Variants in DCHS2 observed in about 807,000 individuals in gnomAD.
The protein encoded by DCHS2 is dachsous cadherin-related 2.
In DCHS2, 142 loss-of-function variants were observed where a neutral mutation model predicts 182.4. The ratio of observed to expected loss-of-function variants is 0.78; its 90% confidence interval spans 0.68 to 0.89. The LOEUF is 0.89. Among genes scored for constraint, DCHS2 ranks in the 40% least tolerant of loss-of-function variants. The probability of loss-of-function intolerance (pLI) is 0.00; values close to 1 mark genes in which losing one functional copy is unlikely to be tolerated. For missense variants in DCHS2, 4,319 were observed against 4,198.6 expected, an observed-to-expected ratio of 1.03 and a Z score of -0.79; for synonymous variants, 1,740 against 1,663.3, an observed-to-expected ratio of 1.05 and a Z score of -1.12.
chr4:154,384,900 T>TA (rs995229852), intron 1 of DCHS2, among the ~76,000 whole-genome samples: 2 of 151,978 alleles, frequency 1.3e-5, no homozygotes, highest in South Asian at 2.1e-4. Flanking sequence ...CTGTTTTTTT[T>TA]AATATGGAAA....
At chr4:154,341,755 C>T (rs1448817488) in intron 3 of DCHS2, among the ~76,000 whole-genome samples, 1 of 152,154 alleles carries the variant, frequency 6.6e-6, no homozygotes, top group Admixed American at 6.5e-5. Context: ...ACATCAGAAG[C>T]TCCACTGTTT....
At position 154,247,635 on chromosome 4, in the gene DCHS2, C is replaced by CAAAAAAAAAA. The variant is rs67157369; in HGVS notation, c.6942-4873_6942-4864dup. ...CTGGGTGAAGAGCAAGACTCCGTCT[C>CAAAAAAAAAA]AAAAAAAAAAAAAAAAAAAAAAAAA... On this transcript the variant is annotated intron_variant, in intron 16 of 19. Transcript: ENST00000357232. 7.4e-4 allele frequency among the ~76,000 whole-genome samples: 74 copies of CAAAAAAAAAA among 100,110 alleles called. 2 individuals are homozygous for CAAAAAAAAAA. Among genetic ancestry groups the CAAAAAAAAAA allele is most frequent in the African/African-American group, 2.5e-3 (62 of 24,716 alleles). The allele number at this position is 100,110 out of a possible 152,430, so 65.7% of individuals were successfully genotyped here.
In DCHS2 at chr4:154,331,644, T is replaced by A. The variant is rs537100945; in HGVS notation, c.3730+834A>T. ...AGGCTTGAAGTTCATCAGAACTGAA[T>A]GCAAAGTCTGTCCCACTAAAGGCAG... On this transcript the variant is annotated intron_variant, in intron 5 of 19. Coordinates refer to ENST00000357232, the MANE Select transcript of DCHS2 (RefSeq NM_001358235.2). 3 of 1,613,994 alleles carry A rather than the reference T, an allele frequency of 1.9e-6. No homozygotes were observed. In the African/African-American group the frequency reaches 4.0e-5, roughly 22 times the overall value.
At chr4:154,475,932 T>C (rs1735663044) in intron 1 of DCHS2, among the ~76,000 whole-genome samples, 1 of 152,218 alleles carries the variant, frequency 6.6e-6, no homozygotes, top group Admixed American at 6.5e-5. Flanking sequence ...GCCTATCTGT[T>C]CTTTCCTCTT....
At chr4:154,381,835 A>G (rs954579013) in intron 1 of DCHS2, among the ~76,000 whole-genome samples, 5 of 152,182 alleles carry the variant, frequency 3.3e-5, no homozygotes, top group African/African-American at 9.6e-5. Flanking sequence ...AGAAGAATCA[A>G]TATTGTTAAA....
At chr4:154,369,857 G>T (rs568391821) in intron 2 of DCHS2, among the ~76,000 whole-genome samples, 39 of 152,300 alleles carry the variant, frequency 2.6e-4, no homozygotes, top group Non-Finnish European at 4.9e-4. Context: ...GTTTGGGAAA[G>T]CTCCAAGCTT....
intron 1 of DCHS2, among the ~76,000 whole-genome samples, chr4:154,480,875 A>G (rs1195556282): frequency 2.0e-5 from 3 of 151,834 alleles, no homozygotes; most frequent in African/African-American, 7.3e-5. Flanking sequence ...GCACTCACCA[A>G]CAGAGGCCTC....
At position 154,489,880 on chromosome 4, in the gene DCHS2, G is replaced by C; in HGVS notation, c.1476C>G (p.Cys492Trp). 1 of 1,542,076 alleles carries C rather than the reference G, an allele frequency of 6.5e-7. No individual in the cohort carries two copies. The highest frequency in any genetic ancestry group is 8.8e-7 in the Non-Finnish European group (1 of 1,141,096). The change falls in exon 1 of 20, where the codon TGC (cysteine) becomes TGG (tryptophan). Residue 492 changes from cysteine (C) to tryptophan (W), a missense_variant. Transcript: ENST00000357232. Reference protein sequence around the residue: ...PGGPPGVFFLCVEGPLDRESR... With the variant: ...PGGPPGVFFLWVEGPLDRESR... Reference sequence around the variant, plus strand: ...TCTCTCTGTCCAGGGGCCCCTCCACGCAAAGGAAAAATACCCCTGGGGGGC... The same window carrying C: ...TCTCTCTGTCCAGGGGCCCCTCCACCCAAAGGAAAAATACCCCTGGGGGGC...
At chr4:154,328,841 A>G (rs1736397181) in intron 6 of DCHS2, among the ~76,000 whole-genome samples, 2 of 152,184 alleles carry the variant, frequency 1.3e-5, no homozygotes, top group Admixed American at 6.5e-5. Context: ...GAGTTGTTCA[A>G]TATGTATATT....
At chr4:154,241,018 T>C (rs914710054) in intron 17 of DCHS2, among the ~76,000 whole-genome samples, 195 bp from the exon 18 acceptor site, 2 of 152,156 alleles carry the variant, frequency 1.3e-5, no homozygotes. Flanking sequence ...AAAGTGAAAA[T>C]TTACCACTGA....
At chr4:154,433,026 C>G (rs1244909363) in intron 1 of DCHS2, among the ~76,000 whole-genome samples, 1 of 152,076 alleles carries the variant, frequency 6.6e-6, no homozygotes, top group African/African-American at 2.4e-5. Context: ...AACTCCGGTA[C>G]CTGTGAGTGA....
intron 13 of DCHS2, among the ~76,000 whole-genome samples, chr4:154,289,689 A>T (rs1233969574): frequency 1.3e-5 from 2 of 152,134 alleles, no homozygotes; most frequent in Non-Finnish European, 2.9e-5. Flanking sequence ...AAAATCCTCA[A>T]CAAAATACTA....
At chr4:154,484,767 C>T (rs4150) in intron 1 of DCHS2, among the ~76,000 whole-genome samples, 112,932 of 152,134 alleles carry the variant, frequency 0.74, 42,462 homozygotes, top group East Asian at 0.85. Context: ...CATTAATAGA[C>T]ATCTGGAGTT....
At chr4:154,434,012 T>A (rs1256179156) in intron 1 of DCHS2, among the ~76,000 whole-genome samples, 1 of 152,222 alleles carries the variant, frequency 6.6e-6, no homozygotes, top group Non-Finnish European at 1.5e-5. Flanking sequence ...CATATGATGA[T>A]AGATGAAGAT....
intron 3 of DCHS2, among the ~76,000 whole-genome samples, chr4:154,339,917 A>G (rs1171835807): frequency 6.6e-6 from 1 of 152,260 alleles, no homozygotes; most frequent in Non-Finnish European, 1.5e-5. Flanking sequence ...ATGAAAGGAT[A>G]GGAACTGTTA....
chr4:154,433,652 C>T (rs1304601143), intron 1 of DCHS2, among the ~76,000 whole-genome samples: 2 of 152,102 alleles, frequency 1.3e-5, no homozygotes, highest in Non-Finnish European at 2.9e-5. Context: ...CCTCAGCCTC[C>T]CAAAGTGCTG....
At chr4:154,381,032 A>C (rs1731143025) in intron 1 of DCHS2, among the ~76,000 whole-genome samples, 1 of 152,108 alleles carries the variant, frequency 6.6e-6, no homozygotes, top group South Asian at 2.1e-4. Context: ...GATTGTTTAA[A>C]TTGAAGCAAG....
chr4:154,413,063 G>C (rs1039547614), intron 1 of DCHS2, among the ~76,000 whole-genome samples: 1 of 152,166 alleles, frequency 6.6e-6, no homozygotes, highest in African/African-American at 2.4e-5. Flanking sequence ...GGTTAGAAGA[G>C]AGCAGGCTTA....
At chr4:154,452,227 G>T (rs1188383000) in intron 1 of DCHS2, among the ~76,000 whole-genome samples, 1 of 152,108 alleles carries the variant, frequency 6.6e-6, no homozygotes, top group Non-Finnish European at 1.5e-5. Flanking sequence ...GAATATATTT[G>T]TTTATTTACA....
Sources: gnomAD v4.1 joint callset for allele counts (sites outside exome capture counted in the v4.1 genomes callset) on GRCh38, gnomAD v4.1.1 for gene constraint, MANE v1.5 for transcripts, NCBI Gene and HGNC (gene_info 2026-07-23, HGNC 2026-07-21) for gene names.